Variants in LDLRAD4 observed in about 807,000 individuals in gnomAD.
The protein encoded by LDLRAD4 is low-density lipoprotein receptor class A domain-containing protein 4.
Under a neutral mutation model 17.0 loss-of-function variants are expected in LDLRAD4, and 5 were observed. The ratio of observed to expected loss-of-function variants is 0.29; its 90% CI spans 0.15 to 0.62. The LOEUF is 0.62. LDLRAD4 is among the 20% of genes least tolerant of loss of function. LDLRAD4 has a pLI of 0.84. For missense variants in LDLRAD4, 340 were observed against 424.7 expected (o/e 0.80, Z 1.75); for synonymous variants, 168 against 171.8 (o/e 0.98, Z 0.17).
At chr18:13,574,950 G>C (rs577235812) in intron 3 of LDLRAD4, among the ~76,000 whole-genome samples, 16 of 152,294 alleles carry the variant, frequency 1.1e-4, no homozygotes, top group Non-Finnish European at 1.8e-4. Flanking sequence ...TTGGGAAGGA[G>C]GACAGGATAT....
At chr18:13,320,276 CG>C (rs1215116022) in intron 1 of LDLRAD4, among the ~76,000 whole-genome samples, 1 of 152,214 alleles carries the variant, frequency 6.6e-6, no homozygotes, top group Non-Finnish European at 1.5e-5. Context: ...TTGCATTAGT[CG>C]TATTAGGTGA....
chr18:13,642,900 T>C, intron 4 of LDLRAD4: 1 of 428,364 alleles, frequency 2.3e-6, no homozygotes, highest in East Asian at 3.6e-5. Context: ...GTTTTTTGTT[T>C]GTTTGTTTGT....
At chr18:13,563,451 C>T (rs553072175) in intron 3 of LDLRAD4, among the ~76,000 whole-genome samples, 3 of 152,242 alleles carry the variant, frequency 2.0e-5, no homozygotes, top group East Asian at 1.9e-4. Context: ...TACACAACAG[C>T]GATTTTCCGG....
intron 1 of LDLRAD4, among the ~76,000 whole-genome samples, chr18:13,340,956 A>AT (rs1357254280): frequency 6.6e-6 from 1 of 152,100 alleles, no homozygotes; most frequent in Non-Finnish European, 1.5e-5. Flanking sequence ...GTGGATATTC[A>AT]GTTTTCCCAA....
intron 3 of LDLRAD4, among the ~76,000 whole-genome samples, chr18:13,447,337 C>G (rs1474704553): frequency 6.6e-6 from 1 of 152,196 alleles, no homozygotes; most frequent in African/African-American, 2.4e-5. Flanking sequence ...CTGGCAGCCT[C>G]ACACCCTCCC....
intron 3 of LDLRAD4, among the ~76,000 whole-genome samples, chr18:13,504,871 T>C (rs1042550920): frequency 2.0e-5 from 3 of 152,226 alleles, no homozygotes; most frequent in African/African-American, 7.2e-5. Context: ...TGTGATGGAT[T>C]CTGATTTGGG....
At position 13,621,670 on chromosome 18, in the gene LDLRAD4, G is replaced by T. The variant is rs184017961; in HGVS notation, c.336+399G>T. Among the ~76,000 whole-genome samples, 1 of 152,342 alleles carries T rather than the reference G, an allele frequency of 6.6e-6. No individual in the cohort carries two copies. The highest frequency in any genetic ancestry group is 1.5e-5 in the Non-Finnish European group (1 of 68,028). ...TCCTGTCCTGAGCTGGGTCCTGGAG[G>T]TGCTGCGGGGACAAATCACGCGCTC... On this transcript the variant is annotated intron_variant, in intron 4 of 5. Transcript: ENST00000359446. The surrounding 1 kb of genome is among the most constrained non-coding windows in gnomAD (Gnocchi z 5.5).
intron 2 of LDLRAD4, among the ~76,000 whole-genome samples, chr18:13,433,059 G>A (rs562574582): frequency 6.6e-6 from 1 of 152,268 alleles, no homozygotes; most frequent in South Asian, 2.1e-4. Context: ...CCTTGCAGGG[G>A]AACAGGCAGT....
chr18:13,400,925 C>A (rs935306564), intron 2 of LDLRAD4, among the ~76,000 whole-genome samples: 1 of 152,196 alleles, frequency 6.6e-6, no homozygotes, highest in Non-Finnish European at 1.5e-5. Context: ...ACCCCATGTT[C>A]ATGGAATTCA....
chr18:13,414,160 C>T (rs974782227), intron 2 of LDLRAD4, among the ~76,000 whole-genome samples: 2 of 152,236 alleles, frequency 1.3e-5, no homozygotes, highest in Admixed American at 1.3e-4. Flanking sequence ...AGATGAACAT[C>T]TTGGGGTGCC....
intron 1 of LDLRAD4, among the ~76,000 whole-genome samples, chr18:13,333,152 T>C (rs967320514): frequency 1.3e-4 from 20 of 152,228 alleles, no homozygotes; most frequent in Admixed American, 3.3e-4. Context: ...TTAATTTTCA[T>C]TTTCCTGATG....
At chr18:13,582,214 A>G (rs2094870673) in intron 3 of LDLRAD4, among the ~76,000 whole-genome samples, 2 of 152,250 alleles carry the variant, frequency 1.3e-5, no homozygotes, top group South Asian at 2.1e-4. Context: ...GGCCTGACAC[A>G]GAAGCACTCA....
chr18:13,437,847 C>T (rs1334483128), intron 2 of LDLRAD4, among the ~76,000 whole-genome samples: 2 of 152,232 alleles, frequency 1.3e-5, no homozygotes, highest in South Asian at 4.1e-4. Context: ...CCACGGCTGG[C>T]TGCACGGGCT....
chr18:13,299,821 C>T (rs140781066), intron 1 of LDLRAD4, among the ~76,000 whole-genome samples: 673 of 151,798 alleles, frequency 4.4e-3, no homozygotes, highest in African/African-American at 0.015. Flanking sequence ...CCAGCCTGGG[C>T]GATAGAGCAA....
rs1334487185 is a variant in LDLRAD4 at position 13,594,608 on chromosome 18, G to C, written c.182-26509G>C. ...TTGAACCCGGAAGGTGGAGGTTGCA[G>C]TGAGCTGAGATCATGCCACTATGCT... On this transcript the variant is annotated intron_variant, in intron 3 of 5. Coordinates refer to ENST00000359446, the Ensembl canonical transcript of LDLRAD4. 8.9e-5 allele frequency among the ~76,000 whole-genome samples: 12 copies of C among 134,188 alleles called. No homozygotes were observed. The East Asian group carries it at 2.8e-3, about 32-fold the overall frequency. The allele number at this position is 134,188 out of a possible 152,430, so 88.0% of individuals were successfully genotyped here.
At chr18:13,224,846 TTAGA>T (rs1312143208) in intron 1 of LDLRAD4, among the ~76,000 whole-genome samples, 1 of 151,178 alleles carries the variant, frequency 6.6e-6, no homozygotes, top group Non-Finnish European at 1.5e-5. Context: ...TTTTTTTTTC[TTAGA>T]TAGAGTCTCC....
At chr18:13,574,379 C>T (rs1392166580) in intron 3 of LDLRAD4, among the ~76,000 whole-genome samples, 2 of 152,154 alleles carry the variant, frequency 1.3e-5, no homozygotes, top group African/African-American at 2.4e-5. Context: ...CACAGTGTGC[C>T]GTCCAGACCC....
intron 1 of LDLRAD4, among the ~76,000 whole-genome samples, chr18:13,369,575 A>C (rs1551366): frequency 0.96 from 146,795 of 152,160 alleles, 70,984 homozygotes; most frequent in East Asian, 1. Context: ...CCGTGAGAAG[A>C]CACAGGTGCC....
intron 3 of LDLRAD4, among the ~76,000 whole-genome samples, chr18:13,452,081 C>T (rs997048159): frequency 1.3e-5 from 2 of 152,178 alleles, no homozygotes; most frequent in South Asian, 2.1e-4. Flanking sequence ...CTATGGTGAA[C>T]GTGGCGTGTG....
Sources: gnomAD v4.1 joint callset for allele counts (sites outside exome capture counted in the v4.1 genomes callset) on GRCh38, gnomAD v4.1.1 for gene constraint, Gnocchi (gnomAD v3.1) non-coding constraint, MANE v1.5 for transcripts, NCBI Gene and HGNC (gene_info 2026-07-23, HGNC 2026-07-21) for gene names.